Variants in IQSEC1 observed in about 807,000 individuals in gnomAD.
The protein encoded by IQSEC1 is IQ motif and Sec7 domain ArfGEF 1.
IQSEC1 carries 31 observed loss-of-function variants against 91.0 expected under a neutral mutation model. The observed-to-expected ratio is 0.34, with a 90% CI of 0.26 to 0.46. The LOEUF (loss-of-function observed/expected upper bound fraction) is 0.46, where lower values mean the gene tolerates loss of function less well. Ranked by LOEUF, IQSEC1 falls within the 20% of genes least tolerant of loss-of-function variation. IQSEC1 has a pLI of 1.00. For missense variants in IQSEC1, 1,388 were observed against 1,575.6 expected (o/e 0.88, Z 2.02); for synonymous variants, 699 against 662.6 (o/e 1.05, Z -0.84).
chr3:13,042,979 C>T (rs1347748181), intron 1 of IQSEC1, among the ~76,000 whole-genome samples: 1 of 152,160 alleles, frequency 6.6e-6, no homozygotes, highest in African/African-American at 2.4e-5. Flanking sequence ...CACCATGTAG[C>T]CACATGGTGC....
intron 1 of IQSEC1, among the ~76,000 whole-genome samples, chr3:13,267,784 A>G (rs1278575859): frequency 4.0e-5 from 6 of 151,766 alleles, no homozygotes; most frequent in Non-Finnish European, 7.4e-5. Flanking sequence ...CACCCGGCTA[A>G]TTTTTTGTAT....
intron 1 of IQSEC1, among the ~76,000 whole-genome samples, chr3:13,062,309 A>G (rs954657959): frequency 6.6e-5 from 10 of 152,162 alleles, no homozygotes; most frequent in African/African-American, 2.2e-4. Flanking sequence ...GGACAGGAAT[A>G]ATCTCTATAG....
intron 1 of IQSEC1, among the ~76,000 whole-genome samples, chr3:13,035,437 G>A (rs1365189679): frequency 3.3e-5 from 5 of 152,088 alleles, no homozygotes; most frequent in Non-Finnish European, 7.4e-5. Context: ...AAAACTCTAA[G>A]AATCCTCTCC....
At chr3:12,914,804 G>C (rs1359495573) in intron 8 of IQSEC1, among the ~76,000 whole-genome samples, 1 of 152,116 alleles carries the variant, frequency 6.6e-6, no homozygotes, top group African/African-American at 2.4e-5. Context: ...GGGCCAGGTA[G>C]CGGACAGGGC....
chr3:12,916,426 C>G (rs927306055), intron 6 of IQSEC1, among the ~76,000 whole-genome samples: 4 of 152,242 alleles, frequency 2.6e-5, no homozygotes, highest in African/African-American at 9.6e-5. Flanking sequence ...CCTCCCCACT[C>G]TGAAAACCGC....
intron 1 of IQSEC1, among the ~76,000 whole-genome samples, chr3:13,047,208 GC>G (rs576229828): frequency 2.6e-5 from 4 of 152,216 alleles, no homozygotes; most frequent in Non-Finnish European, 4.4e-5. Context: ...CCTCCGAGGG[GC>G]CTTCAGCTGA....
intron 1 of IQSEC1, among the ~76,000 whole-genome samples, chr3:13,055,096 T>C (rs1704826945): frequency 6.6e-6 from 1 of 152,226 alleles, no homozygotes; most frequent in South Asian, 2.1e-4. Flanking sequence ...CCGCCCTGCC[T>C]GCGGGCTTGG....
At chr3:13,069,392 T>C (rs60137029) in intron 1 of IQSEC1, among the ~76,000 whole-genome samples, 4 of 105,684 alleles carry the variant, frequency 3.8e-5, no homozygotes, top group East Asian at 3.4e-4. Flanking sequence ...TTCTTGGAGG[T>C]GTGTGTGTGT....
rs1032042990 is a variant in IQSEC1 at position 13,214,004 on chromosome 3, C to T, written c.273-49871G>A. 4.6e-5 allele frequency among the ~76,000 whole-genome samples: 7 copies of T among 152,256 alleles called. No individual in the cohort carries two copies. The South Asian group carries it at 6.2e-4, about 14-fold the overall frequency. ...CCAACCTGGACCCATCGCTCTCCCC[C>T]GGGCTCTTCCTGGTCCCTCCCCGCC... On this transcript the variant is annotated intron_variant, in intron 1 of 15. Coordinates refer to the IQSEC1 transcript ENST00000648114. This position sits in a 1 kb window ranked among gnomAD's most constrained non-coding sequence, Gnocchi z 4.5.
At chr3:12,903,307 C>T (rs1479428174) in intron 12 of IQSEC1, among the ~76,000 whole-genome samples, 1 of 152,132 alleles carries the variant, frequency 6.6e-6, no homozygotes, top group East Asian at 1.9e-4. Flanking sequence ...ACATATATGC[C>T]CCCACCTCCT....
intron 1 of IQSEC1, among the ~76,000 whole-genome samples, chr3:12,957,355 G>C (rs1218633685): frequency 1.3e-5 from 2 of 152,166 alleles, no homozygotes; most frequent in Non-Finnish European, 2.9e-5. Context: ...GTTCTTGTTG[G>C]TTCTGAGTGC....
At chr3:13,094,125 C>T (rs1164795132) in intron 2 of IQSEC1, among the ~76,000 whole-genome samples, 1 of 152,128 alleles carries the variant, frequency 6.6e-6, no homozygotes, top group Non-Finnish European at 1.5e-5. Context: ...GAGAGAGAAC[C>T]GTGACATCCG....
At chr3:13,036,363 C>G (rs991589250) in intron 1 of IQSEC1, among the ~76,000 whole-genome samples, 1 of 152,180 alleles carries the variant, frequency 6.6e-6, no homozygotes, top group Admixed American at 6.5e-5. Context: ...ATCCCTTTCA[C>G]AAGGCTGTTG....
chr3:12,986,537 C>T (rs369468956), intron 1 of IQSEC1, among the ~76,000 whole-genome samples: 4 of 152,340 alleles, frequency 2.6e-5, no homozygotes, highest in Admixed American at 1.3e-4. Context: ...GTATCTGACA[C>T]ACAGAGGTGC....
rs1397410384 is a variant in IQSEC1 at position 12,922,590 on chromosome 3, CTG to C, written c.1731-350_1731-349del. Among the ~76,000 whole-genome samples the C allele has an allele frequency of 6.6e-6, 1 of 152,208 alleles. No homozygotes were observed. Among genetic ancestry groups the C allele is most frequent in the Non-Finnish European group, 1.5e-5 (1 of 68,042 alleles). On this transcript the variant is annotated intron_variant, in intron 4 of 13. Coordinates refer to ENST00000613206, the MANE Select transcript of IQSEC1 (RefSeq NM_001134382.3). The surrounding 1 kb of genome is among the most constrained non-coding windows in gnomAD (Gnocchi z 5.1). ...CTCACCAGGCACACAGTGGACGCCA[CTG>C]TGAGTCTCCTCTCCTTCTGCACGGG...
At chr3:13,133,829 C>T (rs1197660603) in intron 2 of IQSEC1, among the ~76,000 whole-genome samples, 2 of 152,198 alleles carry the variant, frequency 1.3e-5, no homozygotes, top group Non-Finnish European at 1.5e-5. Flanking sequence ...ATGGAGCACG[C>T]TTAGCCTGCT....
intron 2 of IQSEC1, among the ~76,000 whole-genome samples, chr3:13,082,186 GGAT>G (rs1207165859): frequency 2.6e-5 from 4 of 152,326 alleles, no homozygotes; most frequent in Non-Finnish European, 4.4e-5. Context: ...CCAAAACTGA[GGAT>G]AATAAGGGAA....
intron 1 of IQSEC1, among the ~76,000 whole-genome samples, chr3:13,269,934 G>T (rs1695565461): frequency 6.6e-6 from 1 of 152,234 alleles, no homozygotes; most frequent in African/African-American, 2.4e-5. Flanking sequence ...GGACTCCAGA[G>T]GTCCAATCAC....
intron 4 of IQSEC1, among the ~76,000 whole-genome samples, chr3:12,923,766 G>A (rs1393088273): frequency 1.3e-5 from 2 of 152,202 alleles, no homozygotes; most frequent in African/African-American, 2.4e-5. Context: ...TGCTGCTCCC[G>A]GGCACCTTCT....
Sources: allele counts gnomAD v4.1 joint callset (sites outside exome capture counted in the v4.1 genomes callset), GRCh38; gene constraint gnomAD v4.1.1; non-coding constraint Gnocchi (gnomAD v3.1); transcripts MANE v1.5; gene names NCBI Gene and HGNC (gene_info 2026-07-23, HGNC 2026-07-21).